SH3RF3: variants seen among roughly 807,000 people sequenced by gnomAD.
SH3RF3 encodes E3 ubiquitin-protein ligase SH3RF3.
In SH3RF3, 29 loss-of-function variants were observed where a neutral mutation model predicts 66.3. The ratio of observed to expected loss-of-function variants is 0.44; its 90% CI spans 0.33 to 0.60. The LOEUF (loss-of-function observed/expected upper bound fraction) is 0.60, where lower values mean the gene tolerates loss of function less well. Among genes scored for constraint, SH3RF3 ranks in the 20% least tolerant of loss-of-function variants. SH3RF3 has a pLI of 0.04. For missense variants in SH3RF3, 1,194 were observed against 1,190.9 expected, an observed-to-expected ratio of 1.00 and a Z score of -0.04; for synonymous variants, 583 against 532.0, an observed-to-expected ratio of 1.10 and a Z score of -1.32.
At chr2:109,239,589 G>C (rs1190822270) in intron 1 of SH3RF3, among the ~76,000 whole-genome samples, 5 of 152,212 alleles carry the variant, frequency 3.3e-5, no homozygotes, top group African/African-American at 1.2e-4. Flanking sequence ...TTGCACACAC[G>C]AGACTGGGTA....
chr2:109,414,548 A>G (rs1045277919), intron 4 of SH3RF3, among the ~76,000 whole-genome samples: 2 of 152,170 alleles, frequency 1.3e-5, no homozygotes, highest in Non-Finnish European at 2.9e-5. Flanking sequence ...TACGGTCACA[A>G]ACACAGGTCA....
At chr2:109,307,928 G>A (rs1301926096) in intron 1 of SH3RF3, among the ~76,000 whole-genome samples, 3 of 127,894 alleles carry the variant, frequency 2.3e-5, no homozygotes, top group Non-Finnish European at 4.8e-5. Flanking sequence ...TAGTCCTTTG[G>A]GTATATACCC....
intron 8 of SH3RF3, among the ~76,000 whole-genome samples, chr2:109,488,281 T>C (rs1679033863): frequency 6.6e-6 from 1 of 152,146 alleles, no homozygotes; most frequent in Non-Finnish European, 1.5e-5. Flanking sequence ...ATCCCTGGGA[T>C]CTGCCCACCA....
intron 8 of SH3RF3, among the ~76,000 whole-genome samples, chr2:109,464,896 A>T (rs1209090944): frequency 6.6e-6 from 1 of 152,220 alleles, no homozygotes; most frequent in Non-Finnish European, 1.5e-5. Context: ...CAAATGTATA[A>T]TGACATGTGT....
chr2:109,399,613 A>T (rs1442411550), intron 4 of SH3RF3, among the ~76,000 whole-genome samples: 2 of 152,316 alleles, frequency 1.3e-5, no homozygotes, highest in East Asian at 3.9e-4. Flanking sequence ...ACAAGCAACC[A>T]ATCAGTCAAT....
chr2:109,133,401 A>C (rs1676741431), intron 1 of SH3RF3, among the ~76,000 whole-genome samples: 1 of 152,216 alleles, frequency 6.6e-6, no homozygotes, highest in Admixed American at 6.5e-5. Flanking sequence ...GAGAATCATA[A>C]AATTATATTT....
chr2:109,309,352 C>T (rs573224559), intron 1 of SH3RF3, among the ~76,000 whole-genome samples: 11 of 150,044 alleles, frequency 7.3e-5, no homozygotes, highest in Admixed American at 6.6e-5. Flanking sequence ...CTGAAGGAAG[C>T]GCTAAACATG....
chr2:109,252,266 A>AC (rs1680111748), intron 1 of SH3RF3, among the ~76,000 whole-genome samples: 1 of 151,804 alleles, frequency 6.6e-6, no homozygotes, highest in Non-Finnish European at 1.5e-5. Context: ...AAAAAAAAAA[A>AC]AACTTTCAAC....
At chr2:109,449,861 A>G (rs1472187866) in intron 8 of SH3RF3, among the ~76,000 whole-genome samples, 3 of 152,260 alleles carry the variant, frequency 2.0e-5, no homozygotes, top group Non-Finnish European at 4.4e-5. Flanking sequence ...TAATAAATAT[A>G]CAAATCTACG....
intron 1 of SH3RF3, among the ~76,000 whole-genome samples, chr2:109,304,468 C>T (rs1681546070): frequency 1.3e-5 from 2 of 152,044 alleles, no homozygotes; most frequent in African/African-American, 4.8e-5. Flanking sequence ...CTAGGGGTTC[C>T]TTGTTCCCTG....
chr2:109,478,656 C>G (rs910440092), intron 8 of SH3RF3, among the ~76,000 whole-genome samples: 6 of 152,052 alleles, frequency 3.9e-5, no homozygotes, highest in African/African-American at 9.7e-5. Flanking sequence ...TTTTTCCATC[C>G]CACACTTGTT....
intron 1 of SH3RF3, among the ~76,000 whole-genome samples, chr2:109,266,148 CTG>C (rs1278862823): frequency 2.1e-5 from 3 of 145,620 alleles, no homozygotes; most frequent in African/African-American, 7.7e-5. Context: ...TGCATGTGTG[CTG>C]TGTGTGTTGT....
At chr2:109,484,670 T>C (rs1243639029) in intron 8 of SH3RF3, among the ~76,000 whole-genome samples, 2 of 152,162 alleles carry the variant, frequency 1.3e-5, no homozygotes, top group Non-Finnish European at 2.9e-5. Context: ...TTTTCCCCTC[T>C]TAAATTAAAA....
chr2:109,453,748 G>C lies in SH3RF3; in HGVS notation c.2148+4259G>C, dbSNP rs145127427. Among the ~76,000 whole-genome samples the C allele has an allele frequency of 1.7e-3, 265 of 152,352 alleles. 1 individual carries two copies. The highest frequency in any genetic ancestry group is 5.5e-3 in the African/African-American group (229 of 41,592). ...TACAGGTCACTGTACAGGTAAACAG[G>C]CGATTGATTGCAGGAGAGGGTGGGT... On this transcript the variant is annotated intron_variant, in intron 8 of 9. Transcript: ENST00000309415.
intron 1 of SH3RF3, among the ~76,000 whole-genome samples, chr2:109,175,570 G>A (rs1677897706): frequency 6.6e-6 from 1 of 152,218 alleles, no homozygotes; most frequent in Admixed American, 6.5e-5. Flanking sequence ...GGCTGCTCAG[G>A]TGCAGGAGCT....
At chr2:109,237,120 A>G (rs1466738003) in intron 1 of SH3RF3, among the ~76,000 whole-genome samples, 1 of 152,210 alleles carries the variant, frequency 6.6e-6, no homozygotes, top group African/African-American at 2.4e-5. Context: ...CAAAATACAC[A>G]TGGAGGAAAG....
In SH3RF3 at chr2:109,130,032, G is replaced by T. The variant is rs1192615202; in HGVS notation, c.492G>T (p.Pro164=). The T allele has an allele frequency of 5.2e-6, 7 of 1,346,832 alleles. No homozygotes were observed. Among genetic ancestry groups the T allele is most frequent in the Non-Finnish European group, 6.7e-6 (7 of 1,052,264 alleles). 83.4% of individuals were successfully genotyped at this position (1,346,832 alleles called of 1,614,324 possible). ...GGAAGSTPGS[P]VFLSAAAGST... ...CGGCAGGCAGCACCCCGGGTTCCCC[G>T]GTTTTCCTCTCCGCGGCCGCGGGCA... Residue 164 remains proline (P), a synonymous_variant, in exon 1 of 10, where the codon CCG becomes CCT. Coordinates refer to ENST00000309415, the MANE Select transcript of SH3RF3 (RefSeq NM_001099289.3).
chr2:109,346,699 A>G (rs940523970), intron 1 of SH3RF3, among the ~76,000 whole-genome samples: 3 of 152,138 alleles, frequency 2.0e-5, no homozygotes, highest in South Asian at 2.1e-4. Flanking sequence ...ATTCTTTGAC[A>G]GGCTCCTTAT....
chr2:109,355,717 G>A (rs553367937), intron 2 of SH3RF3, among the ~76,000 whole-genome samples: 4 of 152,164 alleles, frequency 2.6e-5, no homozygotes, highest in African/African-American at 7.2e-5. Flanking sequence ...CCCTGGGGAC[G>A]CCCTCCTCTG....
Sources: allele counts gnomAD v4.1 joint callset (sites outside exome capture counted in the v4.1 genomes callset), GRCh38; gene constraint gnomAD v4.1.1; transcripts MANE v1.5; gene names NCBI Gene and HGNC (gene_info 2026-07-23, HGNC 2026-07-21).